The following C10orf90 variants were observed in gnomAD, a reference collection of about 807,000 sequenced individuals.
C10orf90 encodes (E2-independent) E3 ubiquitin-conjugating enzyme FATS.
C10orf90 carries 56 observed loss-of-function variants against 62.5 expected under a neutral mutation model. The observed-to-expected ratio is 0.90, with a 90% CI of 0.72 to 1.12. The LOEUF is 1.12. Among genes scored for constraint, C10orf90 ranks in the 50% most tolerant of loss-of-function variants. The pLI, the probability that C10orf90 is intolerant of heterozygous loss-of-function variation, is 0.00. For synonymous variants in C10orf90, 386 were observed against 340.4 expected, an observed-to-expected ratio of 1.13 and a Z score of -1.47; for missense variants, 970 against 880.4, an observed-to-expected ratio of 1.10 and a Z score of -1.29.
chr10:126,593,207 AATC>A (rs148280025), intron 2 of C10orf90, among the ~76,000 whole-genome samples: 2,563 of 152,352 alleles, frequency 0.017, 58 homozygotes, highest in African/African-American at 0.059. Context: ...AAGGAATATG[AATC>A]ATTCTATTAT....
chr10:126,429,810 C>A lies in C10orf90; in HGVS notation c.2229G>T (p.Lys743Asn). ...FKPKERCISE[K>N]EMHMRSKRIY... ...ACCTCTTAGATCGCATATGCATCTC[C>A]TTCTCTGAAATGCACCGTTCTTTGG... The change falls in exon 8 of 10, where the codon AAG becomes AAT. Residue 743 changes from lysine to asparagine, a missense_variant. Coordinates refer to ENST00000488181, the MANE Select transcript of C10orf90 (RefSeq NM_001350921.2). 2 of 1,614,116 alleles carry A rather than the reference C, an allele frequency of 1.2e-6. No individual in the cohort carries two copies. Among genetic ancestry groups the A allele is most frequent in the Non-Finnish European group, 1.7e-6 (2 of 1,179,992 alleles).
chr10:126,556,275 C>CAG (rs1293062139), intron 2 of C10orf90, among the ~76,000 whole-genome samples: 15 of 152,146 alleles, frequency 9.9e-5, no homozygotes, highest in African/African-American at 3.6e-4. Flanking sequence ...GCGAGTACTA[C>CAG]AGAGGGACAA....
intron 7 of C10orf90, among the ~76,000 whole-genome samples, chr10:126,450,227 C>G (rs1859087740): frequency 6.6e-6 from 1 of 152,004 alleles, no homozygotes; most frequent in African/African-American, 2.4e-5. Context: ...AAAGATATTC[C>G]ATGCTCACAG....
Position 126,504,145 on chromosome 10 carries a change from C to T in C10orf90, c.1346G>A (p.Arg449Gln), listed in dbSNP as rs537981030. The change falls in exon 4 of 10, where the codon CGG becomes CAG. Residue 449 changes from arginine (R) to glutamine (Q), a missense_variant. Coordinates refer to ENST00000488181, the MANE Select transcript of C10orf90 (RefSeq NM_001350921.2). This position sits in a 1 kb window ranked among gnomAD's most constrained non-coding sequence, Gnocchi z 4.1. ...SHLKETPSLR[R>Q]VHLGTGACPW... Reference sequence around the variant, plus strand: ...ACAAGCGCCGGTCCCCAAATGCACCCGCCTCAACGATGGGGTTTCCTTCAA... The same window carrying T: ...ACAAGCGCCGGTCCCCAAATGCACCTGCCTCAACGATGGGGTTTCCTTCAA... 8.1e-6 allele frequency: 13 copies of T among 1,614,178 alleles called. No homozygotes were observed. Among genetic ancestry groups the T allele is most frequent in the Admixed American group, 5.0e-5 (3 of 60,022 alleles).
intron 4 of C10orf90, among the ~76,000 whole-genome samples, chr10:126,483,457 C>T (rs1590985827): frequency 6.6e-6 from 1 of 152,146 alleles, no homozygotes; most frequent in South Asian, 2.1e-4. Flanking sequence ...AGACTCCATG[C>T]CTTGTGTGCT....
intron 2 of C10orf90, among the ~76,000 whole-genome samples, chr10:126,633,962 T>C (rs1845900568): frequency 6.6e-6 from 1 of 152,116 alleles, no homozygotes; most frequent in South Asian, 2.1e-4. Flanking sequence ...ATGGCTGTTA[T>C]CAAAAAAGAA....
intron 4 of C10orf90, among the ~76,000 whole-genome samples, chr10:126,494,953 A>C (rs1861962400): frequency 6.6e-6 from 1 of 152,236 alleles, no homozygotes; most frequent in South Asian, 2.1e-4. Flanking sequence ...TTACCCATGA[A>C]TAGCTGAGAA....
chr10:126,438,385 A>G lies in C10orf90; in HGVS notation c.2189-8535T>C, dbSNP rs183635690. On this transcript the variant is annotated intron_variant, in intron 7 of 9. Coordinates refer to ENST00000488181, the MANE Select transcript of C10orf90 (RefSeq NM_001350921.2). ...TCCTAAAGTAATGTTTCCAAAGCAGACTATCAAGAATTAGATAAAAACATT... is the reference window on the plus strand; with the variant it reads ...TCCTAAAGTAATGTTTCCAAAGCAGGCTATCAAGAATTAGATAAAAACATT... Among the ~76,000 whole-genome samples the G allele has an allele frequency of 9.8e-5, 15 of 152,364 alleles. No homozygotes were observed. In the East Asian group the frequency reaches 2.7e-3, roughly 27 times the overall value.
chr10:126,504,208 A>T lies in C10orf90; in HGVS notation c.1283T>A (p.Val428Glu), dbSNP rs1392936184. 4 of 1,614,154 alleles carry T rather than the reference A, an allele frequency of 2.5e-6. No individual in the cohort carries two copies. In the South Asian group the frequency reaches 4.4e-5, roughly 18 times the overall value. The change falls in exon 4 of 10, where the codon GTA becomes GAA. Residue 428 changes from valine to glutamate, a missense_variant. Physicochemically the swap from Val to Glu is moderately radical, Grantham distance 121 (BLOSUM62 -2). Coordinates refer to ENST00000488181, the MANE Select transcript of C10orf90 (RefSeq NM_001350921.2). The surrounding 1 kb of genome is among the most constrained non-coding windows in gnomAD (Gnocchi z 4.1). ...TAAACCTGGGTTCCAGCGCTGGCCTACGAGGTCCTGGTCTCCCTCCAGGAG... is the reference window on the plus strand; with the variant it reads ...TAAACCTGGGTTCCAGCGCTGGCCTTCGAGGTCCTGGTCTCCCTCCAGGAG... ...QELLEGDQDL[V>E]GQRWNPGLQE... is the part of the protein sequence containing the mutation.
chr10:126,538,707 C>G (rs1044594408), intron 2 of C10orf90, among the ~76,000 whole-genome samples: 1 of 152,134 alleles, frequency 6.6e-6, no homozygotes, highest in African/African-American at 2.4e-5. Context: ...GTAACTTGTT[C>G]GACATCCCAC....
At chr10:126,660,282 C>G (rs1393602492) in intron 1 of C10orf90, among the ~76,000 whole-genome samples, 1 of 152,216 alleles carries the variant, frequency 6.6e-6, no homozygotes, top group Non-Finnish European at 1.5e-5. Context: ...GGCTACTAAT[C>G]AGTTGACATT....
chr10:126,565,160 TA>T (rs1337187820), intron 2 of C10orf90, among the ~76,000 whole-genome samples: 4 of 60,978 alleles, frequency 6.6e-5, no homozygotes, highest in African/African-American at 2.3e-4. Context: ...TGTAATATAA[TA>T]TTTATATTAC....
rs144824512 is a variant in C10orf90 at position 126,664,458 on chromosome 10, A to AT, written c.240+5782dup. ...GCAACGCTATAAGGCAGATATTATCATTTTTCCTATGAACACAGATGAGAA... is the reference window on the plus strand; with the variant it reads ...GCAACGCTATAAGGCAGATATTATCATTTTTTCCTATGAACACAGATGAGAA... On this transcript the variant is annotated intron_variant, in intron 1 of 9. Coordinates refer to ENST00000488181, the MANE Select transcript of C10orf90 (RefSeq NM_001350921.2). Among the ~76,000 whole-genome samples, 481 of 152,198 alleles carry AT rather than the reference A, an allele frequency of 3.2e-3. 3 individuals are homozygous for AT. The highest frequency in any genetic ancestry group is 0.011 in the African/African-American group (445 of 41,546).
At chr10:126,592,556 A>C (rs1257105271) in intron 2 of C10orf90, among the ~76,000 whole-genome samples, 1 of 152,248 alleles carries the variant, frequency 6.6e-6, no homozygotes, top group African/African-American at 2.4e-5. Context: ...GTTGGATTAA[A>C]GACTTAAATG....
intron 7 of C10orf90, among the ~76,000 whole-genome samples, chr10:126,445,435 A>T (rs904577052): frequency 6.6e-6 from 1 of 152,186 alleles, no homozygotes; most frequent in Non-Finnish European, 1.5e-5. Context: ...ACTAATGACC[A>T]GGGAAATGCA....
At chr10:126,550,112 C>T (rs1476597648) in intron 2 of C10orf90, among the ~76,000 whole-genome samples, 5 of 152,036 alleles carry the variant, frequency 3.3e-5, no homozygotes, top group African/African-American at 9.7e-5. Context: ...CCCGCCACCA[C>T]GCCTGGCTAA....
At chr10:126,585,249 AAGAG>A (rs549711717) in intron 2 of C10orf90, among the ~76,000 whole-genome samples, 1 of 151,358 alleles carries the variant, frequency 6.6e-6, no homozygotes, top group African/African-American at 2.4e-5. Context: ...AGAAGGAAGA[AAGAG>A]AGAGAGGAAA....
chr10:126,642,328 C>G (rs368647965), intron 2 of C10orf90, among the ~76,000 whole-genome samples: 72 of 152,122 alleles, frequency 4.7e-4, no homozygotes, highest in Admixed American at 1.6e-3. Context: ...GTCGGGAGAT[C>G]GAGACCATCC....
chr10:126,503,838 A>C, intron 4 of C10orf90, 119 bp downstream of exon 4: 1 of 1,222,288 alleles, frequency 8.2e-7, no homozygotes, highest in South Asian at 1.6e-5. Context: ...AGAGCAGATC[A>C]CTGCAAGTCT....
Sources: gnomAD v4.1 joint callset for allele counts (sites outside exome capture counted in the v4.1 genomes callset) on GRCh38, gnomAD v4.1.1 for gene constraint, Gnocchi (gnomAD v3.1) non-coding constraint, MANE v1.5 for transcripts, NCBI Gene and HGNC (gene_info 2026-07-23, HGNC 2026-07-21) for gene names.